The following RABGAP1L variants were observed in gnomAD, a reference collection of about 807,000 sequenced individuals.
RABGAP1L encodes rab GTPase-activating protein 1-like.
A neutral mutation model predicts 137.7 loss-of-function variants in RABGAP1L; 63 were observed. That is an observed-to-expected ratio of 0.46 (90% CI 0.37 to 0.56). The LOEUF (loss-of-function observed/expected upper bound fraction) is 0.56. Ranked by LOEUF, RABGAP1L falls within the 20% of genes least tolerant of loss-of-function variation. The pLI is 0.00. For synonymous variants in RABGAP1L, 431 were observed against 433.7 expected, an observed-to-expected ratio of 0.99 and a Z score of 0.08; for missense variants, 1,095 against 1,244.0, an observed-to-expected ratio of 0.88 and a Z score of 1.80.
chr1:174,465,052 C>T (rs566559166), intron 13 of RABGAP1L, among the ~76,000 whole-genome samples: 1 of 152,142 alleles, frequency 6.6e-6, no homozygotes, highest in Non-Finnish European at 1.5e-5. Flanking sequence ...GATCCCATGT[C>T]ATATCTCTGT....
At chr1:174,392,231 T>G (rs1251081362) in intron 12 of RABGAP1L, among the ~76,000 whole-genome samples, 1 of 152,208 alleles carries the variant, frequency 6.6e-6, no homozygotes, top group African/African-American at 2.4e-5. Flanking sequence ...TCAGACAGCA[T>G]AGGAAAATAA....
intron 18 of RABGAP1L, among the ~76,000 whole-genome samples, chr1:174,808,113 A>G (rs1689500267): frequency 6.6e-6 from 1 of 151,254 alleles, no homozygotes; most frequent in Admixed American, 6.6e-5. Context: ...CCTCCCCAGT[A>G]GCTGGGACTA....
At chr1:174,319,328 C>A (rs1679723435) in intron 11 of RABGAP1L, among the ~76,000 whole-genome samples, 1 of 151,988 alleles carries the variant, frequency 6.6e-6, no homozygotes, top group African/African-American at 2.4e-5. Flanking sequence ...TTTAAAATTT[C>A]AATGGCTTAT....
chr1:174,397,741 G>A (rs1648054713), intron 13 of RABGAP1L, among the ~76,000 whole-genome samples: 1 of 152,130 alleles, frequency 6.6e-6, no homozygotes, highest in Non-Finnish European at 1.5e-5. Context: ...ACTCAAGGTA[G>A]CCAGACTTGA....
At chr1:174,958,973 C>G (rs1668854293) in intron 20 of RABGAP1L, among the ~76,000 whole-genome samples, 2 of 152,154 alleles carry the variant, frequency 1.3e-5, no homozygotes, top group Admixed American at 6.5e-5. Flanking sequence ...TTTTATGAAG[C>G]CTACTACTAC....
chr1:174,307,988 T>C (rs1216979627), intron 11 of RABGAP1L, among the ~76,000 whole-genome samples: 1 of 152,082 alleles, frequency 6.6e-6, no homozygotes, highest in Non-Finnish European at 1.5e-5. Context: ...TACTTTTGCT[T>C]TTTGGTAATA....
chr1:174,379,708 A>C (rs1227539400), intron 12 of RABGAP1L, among the ~76,000 whole-genome samples: 1 of 22,290 alleles, frequency 4.5e-5, no homozygotes, highest in African/African-American at 4.3e-4. Flanking sequence ...GGGGTTTTCT[A>C]GATATACAAT....
At chr1:174,466,925 A>C (rs1276846547) in intron 13 of RABGAP1L, among the ~76,000 whole-genome samples, 3 of 152,178 alleles carry the variant, frequency 2.0e-5, no homozygotes, top group African/African-American at 4.8e-5. Context: ...GTTTCCTAAT[A>C]ATTGTATTGG....
intron 13 of RABGAP1L, among the ~76,000 whole-genome samples, chr1:174,465,761 C>T (rs185745562): frequency 6.6e-6 from 1 of 152,308 alleles, no homozygotes; most frequent in Non-Finnish European, 1.5e-5. Context: ...AATATCTCAT[C>T]ATTTTGGTTG....
intron 19 of RABGAP1L, among the ~76,000 whole-genome samples, chr1:174,870,928 A>T (rs968000818): frequency 6.6e-6 from 1 of 151,804 alleles, no homozygotes; most frequent in African/African-American, 2.4e-5. Context: ...TTTAGTAGAG[A>T]TGGGGTTTCA....
At chr1:174,239,417 G>A (rs1320529258) in intron 4 of RABGAP1L, among the ~76,000 whole-genome samples, 7 of 151,882 alleles carry the variant, frequency 4.6e-5, no homozygotes, top group East Asian at 1.9e-4. Context: ...CATATTTCCC[G>A]CCCCAGGACC....
At chr1:174,453,572 G>A (rs1367323773) in intron 13 of RABGAP1L, among the ~76,000 whole-genome samples, 14 of 152,106 alleles carry the variant, frequency 9.2e-5, no homozygotes, top group Admixed American at 8.5e-4. Context: ...TTGGTGCATA[G>A]GAGCATGTAT....
intron 18 of RABGAP1L, chr1:174,756,845 A>C: frequency 1.7e-6 from 1 of 592,268 alleles, no homozygotes; most frequent in Non-Finnish European, 3.2e-6. Flanking sequence ...GCTTCCCAGA[A>C]AGCATCACAA....
intron 20 of RABGAP1L, among the ~76,000 whole-genome samples, chr1:174,963,547 C>T (rs1669353611): frequency 6.6e-6 from 1 of 151,444 alleles, no homozygotes; most frequent in Non-Finnish European, 1.5e-5. Flanking sequence ...AGAAAGTTTT[C>T]TTTTCTGTTT....
intron 1 of RABGAP1L, among the ~76,000 whole-genome samples, chr1:174,198,293 A>G (rs1222332414): frequency 3.9e-5 from 6 of 152,190 alleles, no homozygotes; most frequent in Non-Finnish European, 2.9e-5. Flanking sequence ...TTTATAATAT[A>G]CAGAGAAAGG....
intron 19 of RABGAP1L, among the ~76,000 whole-genome samples, chr1:174,839,272 A>G (rs903157059): frequency 2.6e-5 from 4 of 152,158 alleles, no homozygotes; most frequent in Non-Finnish European, 5.9e-5. Flanking sequence ...GCCACAAAAC[A>G]TACCTTTGTT....
chr1:174,657,225 A>T (rs1676031922), intron 14 of RABGAP1L, among the ~76,000 whole-genome samples: 1 of 152,228 alleles, frequency 6.6e-6, no homozygotes, highest in Non-Finnish European at 1.5e-5. Flanking sequence ...TAGCATTTCC[A>T]TCTGAAATAT....
At chr1:174,647,502 A>T (rs1675071506) in intron 14 of RABGAP1L, among the ~76,000 whole-genome samples, 1 of 151,930 alleles carries the variant, frequency 6.6e-6, no homozygotes, top group African/African-American at 2.4e-5. Context: ...TATGTGTTGG[A>T]TTACATTGAT....
chr1:174,633,035 C>T (rs910095075), intron 13 of RABGAP1L, among the ~76,000 whole-genome samples: 7 of 152,140 alleles, frequency 4.6e-5, no homozygotes, highest in African/African-American at 1.7e-4. Context: ...CTGGCCAGGG[C>T]AGTCAGGCAG....
Sources: allele counts gnomAD v4.1 joint callset (sites outside exome capture counted in the v4.1 genomes callset), GRCh38; gene constraint gnomAD v4.1.1; transcripts MANE v1.5; gene names NCBI Gene and HGNC (gene_info 2026-07-23, HGNC 2026-07-21).